The following OPCML variants were observed in gnomAD, a reference collection of about 807,000 sequenced individuals.
OPCML encodes the protein opioid-binding protein/cell adhesion molecule.
Under a neutral mutation model 37.8 loss-of-function variants are expected in OPCML, and 13 were observed. That is an observed-to-expected ratio of 0.34 (90% CI 0.22 to 0.55). OPCML has a LOEUF of 0.55. Ranked by LOEUF, OPCML falls within the 20% of genes least tolerant of loss-of-function variation. The pLI is 0.91. For synonymous variants in OPCML, 176 were observed against 168.8 expected, an observed-to-expected ratio of 1.04 and a Z score of -0.33; for missense variants, 341 against 435.6, an observed-to-expected ratio of 0.78 and a Z score of 1.93.
At chr11:133,128,023 G>A (rs940641605) in intron 1 of OPCML, among the ~76,000 whole-genome samples, 3 of 152,086 alleles carry the variant, frequency 2.0e-5, no homozygotes, top group African/African-American at 7.2e-5. Context: ...CATCACCACA[G>A]CATGACTGTT....
At chr11:132,555,366 G>C (rs918037863) in intron 3 of OPCML, among the ~76,000 whole-genome samples, 1 of 152,070 alleles carries the variant, frequency 6.6e-6, no homozygotes, top group African/African-American at 2.4e-5. Flanking sequence ...AAGCAGATGA[G>C]AGAGAATGAG....
At chr11:132,829,409 G>A (rs1190900995) in intron 2 of OPCML, among the ~76,000 whole-genome samples, 1 of 152,182 alleles carries the variant, frequency 6.6e-6, no homozygotes. Context: ...ATGAACAAGT[G>A]AATATTACTG....
At position 132,640,562 on chromosome 11, in the gene OPCML, G is replaced by T. The variant is rs7130961; in HGVS notation, c.379+16525C>A. ...ATTGATTACTCATTACATGCCAGAC[G>T]CATTCAATAAGCATTTTTGAGCGTC... On this transcript the variant is annotated intron_variant, in intron 3 of 7. Transcript: ENST00000524381. Among the ~76,000 whole-genome samples the T allele has an allele frequency of 2.6e-5, 4 of 151,926 alleles. No individual in the cohort carries two copies. The South Asian group carries it at 8.3e-4, about 31-fold the overall frequency.
intron 1 of OPCML, among the ~76,000 whole-genome samples, chr11:132,974,593 G>T (rs1946415255): frequency 6.6e-6 from 1 of 152,140 alleles, no homozygotes; most frequent in Non-Finnish European, 1.5e-5. Flanking sequence ...AGACAGTGTG[G>T]CAGTTCCTCA....
intron 3 of OPCML, among the ~76,000 whole-genome samples, chr11:132,574,214 T>C (rs1250432796): frequency 6.6e-6 from 1 of 151,052 alleles, no homozygotes; most frequent in Non-Finnish European, 1.5e-5. Context: ...ACCGTTTTTC[T>C]ATTTTGTTTA....
intron 1 of OPCML, among the ~76,000 whole-genome samples, chr11:133,481,543 T>C (rs1188931699): frequency 6.6e-6 from 1 of 152,178 alleles, no homozygotes; most frequent in Non-Finnish European, 1.5e-5. Flanking sequence ...AGGCCATCCA[T>C]GGGAATTATT....
At chr11:132,633,173 C>T (rs903204599) in intron 3 of OPCML, among the ~76,000 whole-genome samples, 8 of 152,260 alleles carry the variant, frequency 5.3e-5, no homozygotes, top group African/African-American at 1.9e-4. Flanking sequence ...GAGCACCCAA[C>T]TGTTGGTGTT....
chr11:133,251,037 A>G (rs1210826342), intron 1 of OPCML, among the ~76,000 whole-genome samples: 2 of 152,118 alleles, frequency 1.3e-5, no homozygotes, highest in Non-Finnish European at 2.9e-5. Flanking sequence ...TAGAAATCAG[A>G]GAAGCCTTTT....
intron 1 of OPCML, among the ~76,000 whole-genome samples, chr11:132,987,326 C>T (rs569749264): frequency 6.9e-4 from 105 of 152,190 alleles, no homozygotes; most frequent in African/African-American, 2.5e-3. Flanking sequence ...GGCAATGGAG[C>T]CTAGGGGAGA....
chr11:133,314,571 A>G lies in OPCML; in HGVS notation c.61+217693T>C, dbSNP rs1197487924. On this transcript the variant is annotated intron_variant, in intron 1 of 7. Transcript: ENST00000524381. ...TTCCATAATAAGAAAAAAAAAAAAA[A>G]GAAAGAAAAGAAAAACACAGTCCAC... 2.8e-4 allele frequency among the ~76,000 whole-genome samples: 41 copies of G among 148,010 alleles called. No individual in the cohort carries two copies. In the South Asian group the frequency reaches 8.7e-3, roughly 32 times the overall value.
chr11:133,299,541 A>C (rs1942728498), intron 1 of OPCML: 1 of 152,252 alleles, frequency 6.6e-6, no homozygotes, highest in Admixed American at 6.5e-5. Flanking sequence ...CTTATTTCCC[A>C]ATTGCCTAAA....
At chr11:133,043,793 T>C (rs1042765068) in intron 1 of OPCML, among the ~76,000 whole-genome samples, 13 of 152,222 alleles carry the variant, frequency 8.5e-5, no homozygotes, top group Non-Finnish European at 7.3e-5. Context: ...AAATCGTTCA[T>C]AGCAGATAGA....
chr11:132,709,978 A>G (rs1365853888), intron 2 of OPCML, among the ~76,000 whole-genome samples: 1 of 152,226 alleles, frequency 6.6e-6, no homozygotes, highest in Non-Finnish European at 1.5e-5. Context: ...TTAGCTCAGT[A>G]AAGAAACAAA....
At chr11:132,678,677 A>G (rs1942812954) in intron 2 of OPCML, among the ~76,000 whole-genome samples, 2 of 152,226 alleles carry the variant, frequency 1.3e-5, no homozygotes, top group African/African-American at 4.8e-5. Flanking sequence ...ATTCTAGAAA[A>G]GGAAAAACTA....
intron 1 of OPCML, among the ~76,000 whole-genome samples, chr11:133,516,049 C>T (rs1426074275): frequency 2.6e-5 from 4 of 152,018 alleles, no homozygotes; most frequent in Non-Finnish European, 4.4e-5. Context: ...GACAGGTCTA[C>T]GTGTGCAGGG....
At chr11:133,017,919 GCTTT>G (rs1947364849) in intron 1 of OPCML, among the ~76,000 whole-genome samples, 1 of 152,174 alleles carries the variant, frequency 6.6e-6, no homozygotes, top group Non-Finnish European at 1.5e-5. Context: ...GAAAGATCTG[GCTTT>G]CTGTGGCACG....
intron 2 of OPCML, among the ~76,000 whole-genome samples, chr11:132,795,588 A>G (rs1938258142): frequency 1.3e-5 from 2 of 152,196 alleles, no homozygotes; most frequent in Non-Finnish European, 2.9e-5. Context: ...TGCCTGCCCT[A>G]GGAAGCCATG....
chr11:133,007,199 T>C, intron 1 of OPCML: 1 of 985,448 alleles, frequency 1.0e-6, no homozygotes, highest in Non-Finnish European at 1.2e-6. Context: ...CATAGCACAG[T>C]ACAACCTATT....
intron 1 of OPCML, among the ~76,000 whole-genome samples, chr11:133,071,827 T>C (rs957352020): frequency 1.4e-4 from 22 of 152,200 alleles, no homozygotes; most frequent in African/African-American, 4.8e-4. Context: ...TACTGAGCAC[T>C]CATGGGCCTC....
Sources: gnomAD v4.1 joint callset for allele counts (sites outside exome capture counted in the v4.1 genomes callset) on GRCh38, gnomAD v4.1.1 for gene constraint, MANE v1.5 for transcripts, NCBI Gene and HGNC (gene_info 2026-07-23, HGNC 2026-07-21) for gene names.